The following AFG1L variants were observed in gnomAD, a reference collection of about 807,000 sequenced individuals.
AFG1L encodes the protein AFG1 like ATPase, also known as AFG1-like ATPase.
In AFG1L, 53 loss-of-function variants were observed where a neutral mutation model predicts 62.2. That is an observed-to-expected ratio of 0.85 (90% confidence interval 0.68 to 1.07). The LOEUF (loss-of-function observed/expected upper bound fraction) is 1.07. Ranked by LOEUF, AFG1L falls within the 50% of genes least tolerant of loss-of-function variation. The pLI is 0.00. For synonymous variants in AFG1L, 228 were observed against 210.3 expected (o/e 1.08, Z -0.73); for missense variants, 555 against 590.5 (o/e 0.94, Z 0.62).
At chr6:108,482,007 A>G (rs1219773486) in intron 10 of AFG1L, among the ~76,000 whole-genome samples, 1 of 152,268 alleles carries the variant, frequency 6.6e-6, no homozygotes, top group Non-Finnish European at 1.5e-5. Flanking sequence ...TGAGCAAACA[A>G]GTGAAAATTA....
At position 108,476,860 on chromosome 6, in the gene AFG1L, T is replaced by C. The variant is rs1423942759; in HGVS notation, c.891-5T>C. Reference sequence around the variant, plus strand: ...TTTCATATTCTATTATTCTTTTCACTGTAGCACAAGTGAAGCTGATGTGGA... The same window carrying C: ...TTTCATATTCTATTATTCTTTTCACCGTAGCACAAGTGAAGCTGATGTGGA... On this transcript the variant is annotated splice_polypyrimidine_tract_variant and splice_region_variant and intron_variant, in intron 8 of 12. Coordinates refer to ENST00000368977, the MANE Select transcript of AFG1L (RefSeq NM_145315.5). 2 of 1,610,120 alleles carry C rather than the reference T, an allele frequency of 1.2e-6. No homozygotes were observed. Among genetic ancestry groups the C allele is most frequent in the Admixed American group, 1.7e-5 (1 of 60,018 alleles).
intron 8 of AFG1L, among the ~76,000 whole-genome samples, chr6:108,452,875 T>G (rs899793142): frequency 1.3e-5 from 2 of 152,170 alleles, no homozygotes; most frequent in African/African-American, 4.8e-5. Flanking sequence ...AAATCTGCCA[T>G]TTTATAGCCA....
intron 10 of AFG1L, among the ~76,000 whole-genome samples, chr6:108,486,337 C>G (rs1773570534): frequency 6.6e-6 from 1 of 151,988 alleles, no homozygotes; most frequent in Admixed American, 6.6e-5. Flanking sequence ...TTCCATAGTA[C>G]CTTCTCCCAG....
At chr6:108,386,478 G>A (rs1319833113) in intron 6 of AFG1L, among the ~76,000 whole-genome samples, 1 of 151,264 alleles carries the variant, frequency 6.6e-6, no homozygotes, top group Non-Finnish European at 1.5e-5. Context: ...AAAAAGAAAA[G>A]AAAAGAAAAG....
At chr6:108,304,471 A>G (rs2114824585) in intron 1 of AFG1L, among the ~76,000 whole-genome samples, 1 of 152,322 alleles carries the variant, frequency 6.6e-6, no homozygotes, top group South Asian at 2.1e-4. Flanking sequence ...ATTTCTGGTC[A>G]GTGGCCACTG....
At chr6:108,355,108 T>C (rs1378776955) in intron 3 of AFG1L, among the ~76,000 whole-genome samples, 2 of 151,770 alleles carry the variant, frequency 1.3e-5, no homozygotes, top group African/African-American at 4.8e-5. Context: ...TCTTCTCTTT[T>C]TTTTTTTTTT....
chr6:108,356,170 T>C (rs1320982533), intron 4 of AFG1L, among the ~76,000 whole-genome samples: 1 of 152,232 alleles, frequency 6.6e-6, no homozygotes, highest in African/African-American at 2.4e-5. Context: ...TTTTGCATGA[T>C]TTGTTTACCA....
intron 6 of AFG1L, among the ~76,000 whole-genome samples, chr6:108,386,761 CAGAA>C (rs1298574866): frequency 6.6e-6 from 1 of 152,078 alleles, no homozygotes; most frequent in East Asian, 1.9e-4. Flanking sequence ...ACACCAGTAG[CAGAA>C]AGGGGGATGT....
At chr6:108,298,871 A>G (rs755040250) in intron 1 of AFG1L, among the ~76,000 whole-genome samples, 1 of 152,208 alleles carries the variant, frequency 6.6e-6, no homozygotes, top group Non-Finnish European at 1.5e-5. Context: ...TGAAGTAGAT[A>G]GAGTGTTAGG....
intron 7 of AFG1L, among the ~76,000 whole-genome samples, chr6:108,424,829 G>A (rs142400373): frequency 5.5e-4 from 84 of 152,224 alleles, no homozygotes; most frequent in African/African-American, 1.9e-3. Context: ...AAGGACTCCT[G>A]TATGTGTTTA....
In AFG1L at chr6:108,388,001, A is replaced by G. The variant is rs142142541; in HGVS notation, c.749-13995A>G. The G allele has an allele frequency of 6.3e-4, 96 of 152,226 alleles. No homozygotes were observed. In the East Asian group the frequency reaches 0.018, roughly 29 times the overall value. 9.4% of individuals were successfully genotyped at this position (152,226 alleles called of 1,614,324 possible). On this transcript the variant is annotated intron_variant, in intron 6 of 12. Coordinates refer to ENST00000368977, the MANE Select transcript of AFG1L (RefSeq NM_145315.5). The stretch of plus-strand genomic sequence containing the variant: ...ACAAATGAGTTGAATAATTCCATCC[A>G]CTTACACTAACACCCCATCTGGTAG...
At chr6:108,398,029 A>G (rs956804511) in intron 6 of AFG1L, among the ~76,000 whole-genome samples, 1 of 152,120 alleles carries the variant, frequency 6.6e-6, no homozygotes, top group African/African-American at 2.4e-5. Flanking sequence ...GGAACCTGCA[A>G]ACTCATCTCC....
At chr6:108,446,625 C>A (rs983105654) in intron 7 of AFG1L, among the ~76,000 whole-genome samples, 1 of 151,864 alleles carries the variant, frequency 6.6e-6, no homozygotes, top group Non-Finnish European at 1.5e-5. Context: ...GCAGCTTAGC[C>A]GGCCAAATAG....
intron 7 of AFG1L, among the ~76,000 whole-genome samples, chr6:108,442,636 T>C (rs1390548767): frequency 1.3e-5 from 2 of 152,156 alleles, no homozygotes; most frequent in Non-Finnish European, 2.9e-5. Flanking sequence ...TAGGCCTCCC[T>C]AGAGGACCAG....
intron 1 of AFG1L, among the ~76,000 whole-genome samples, chr6:108,300,746 C>T (rs1281140480): frequency 6.6e-6 from 1 of 151,130 alleles, no homozygotes; most frequent in South Asian, 2.1e-4. Flanking sequence ...GATGTCGGCT[C>T]ACTGCAACCT....
intron 1 of AFG1L, among the ~76,000 whole-genome samples, chr6:108,315,962 G>A (rs1777574038): frequency 1.3e-5 from 2 of 152,092 alleles, no homozygotes; most frequent in Non-Finnish European, 2.9e-5. Flanking sequence ...GGGAAGGATA[G>A]CTTGAGCCTG....
At chr6:108,327,085 A>T (rs1307140338) in intron 2 of AFG1L, among the ~76,000 whole-genome samples, 1 of 152,258 alleles carries the variant, frequency 6.6e-6, no homozygotes, top group Non-Finnish European at 1.5e-5. Context: ...TGTCTCTACA[A>T]TACAAATAAA....
chr6:108,383,094 G>A (rs1326038618), intron 6 of AFG1L, among the ~76,000 whole-genome samples: 1 of 152,098 alleles, frequency 6.6e-6, no homozygotes, highest in East Asian at 1.9e-4. Context: ...AAAAAAATTT[G>A]TGGTGGTGCG....
chr6:108,468,343 C>T lies in AFG1L; in HGVS notation c.891-8522C>T, dbSNP rs529079160. 6.7e-4 allele frequency among the ~76,000 whole-genome samples: 102 copies of T among 152,310 alleles called. No homozygotes were observed. In the Middle Eastern group the frequency reaches 0.01, roughly 15 times the overall value. ...TAATAGTTTGAATGATCACGGTTAT[C>T]ACACAATAATATTCTCTTAGAATAT... On this transcript the variant is annotated intron_variant, in intron 8 of 12. Coordinates refer to ENST00000368977, the MANE Select transcript of AFG1L (RefSeq NM_145315.5).
Sources: allele counts gnomAD v4.1 joint callset (sites outside exome capture counted in the v4.1 genomes callset), GRCh38; gene constraint gnomAD v4.1.1; transcripts MANE v1.5; gene names NCBI Gene and HGNC (gene_info 2026-07-23, HGNC 2026-07-21).